The following WWOX variants were observed in gnomAD, a reference collection of about 807,000 sequenced individuals.
WWOX encodes the protein WW domain-containing oxidoreductase.
Under a neutral mutation model 46.2 loss-of-function variants are expected in WWOX, and 69 were observed. The ratio of observed to expected loss-of-function variants is 1.49; its 90% CI spans 1.23 to 1.82. The LOEUF (loss-of-function observed/expected upper bound fraction) is 1.82. WWOX is among the 40% of genes most tolerant of loss of function. WWOX has a pLI of 0.00. For synonymous variants in WWOX, 359 were observed against 202.6 expected (o/e 1.77, Z -6.56); for missense variants, 919 against 542.6 (o/e 1.69, Z -6.89).
chr16:79,025,282 A>G (rs933250964), intron 8 of WWOX, among the ~76,000 whole-genome samples: 8 of 152,178 alleles, frequency 5.3e-5, no homozygotes, highest in African/African-American at 1.9e-4. Context: ...GGCCTGAGTT[A>G]AGACAGTAGC....
At chr16:78,361,490 C>T (rs2081409073) in intron 5 of WWOX, among the ~76,000 whole-genome samples, 1 of 152,166 alleles carries the variant, frequency 6.6e-6, no homozygotes, top group African/African-American at 2.4e-5. Flanking sequence ...TGGATCTTGC[C>T]TGCAGCAGTG....
At chr16:78,175,431 C>G (rs2035309471) in intron 5 of WWOX, among the ~76,000 whole-genome samples, 2 of 152,206 alleles carry the variant, frequency 1.3e-5, no homozygotes, top group African/African-American at 4.8e-5. Flanking sequence ...GTGACTCACT[C>G]TCCATGAATA....
intron 8 of WWOX, among the ~76,000 whole-genome samples, chr16:78,738,373 A>G (rs1008140226): frequency 1.1e-4 from 17 of 152,180 alleles, no homozygotes; most frequent in African/African-American, 3.9e-4. Flanking sequence ...TTTATGTGTA[A>G]TGTGCCATTT....
At chr16:78,917,766 TAATA>T (rs773165055) in intron 8 of WWOX, among the ~76,000 whole-genome samples, 2 of 152,136 alleles carry the variant, frequency 1.3e-5, no homozygotes, top group Non-Finnish European at 2.9e-5. Flanking sequence ...TAAGGTCTAT[TAATA>T]AATATCTGCT....
intron 8 of WWOX, among the ~76,000 whole-genome samples, chr16:78,816,253 A>G (rs1422474981): frequency 6.6e-6 from 1 of 152,102 alleles, no homozygotes; most frequent in Non-Finnish European, 1.5e-5. Flanking sequence ...GAAAGAGGGC[A>G]CCCTTTTCTT....
intron 5 of WWOX, among the ~76,000 whole-genome samples, chr16:78,382,986 C>T (rs1034695763): frequency 1.3e-5 from 2 of 151,538 alleles, no homozygotes; most frequent in Non-Finnish European, 2.9e-5. Context: ...GAAGAGGAAG[C>T]AGGCAAATCT....
intron 5 of WWOX, among the ~76,000 whole-genome samples, chr16:78,249,864 G>A (rs1079192): frequency 0.3 from 45,795 of 151,684 alleles, 7,185 homozygotes; most frequent in East Asian, 0.4. Context: ...GGCCTGGAAG[G>A]GGAGAAGGGG....
chr16:79,160,630 T>G (rs2050467180), intron 8 of WWOX, among the ~76,000 whole-genome samples: 1 of 152,282 alleles, frequency 6.6e-6, no homozygotes, highest in Middle Eastern at 3.4e-3. Flanking sequence ...TGAAGAGGTA[T>G]GGGTCAAGCA....
chr16:78,357,569 G>A (rs1386809622), intron 5 of WWOX, among the ~76,000 whole-genome samples: 3 of 152,130 alleles, frequency 2.0e-5, no homozygotes, highest in Non-Finnish European at 2.9e-5. Context: ...AGAAAACGTG[G>A]TCTGGGACAC....
At chr16:78,996,361 G>A (rs1205459864) in intron 8 of WWOX, 11 of 931,684 alleles carry the variant, frequency 1.2e-5, no homozygotes, top group African/African-American at 1.2e-4. Context: ...AAGAGTGTGA[G>A]TGAATTCTGC....
At chr16:78,622,126 C>A (rs149981841) in intron 8 of WWOX, among the ~76,000 whole-genome samples, 1 of 152,118 alleles carries the variant, frequency 6.6e-6, no homozygotes, top group Admixed American at 6.6e-5. Context: ...TTTAGTAAAA[C>A]CTTGAAAAGA....
chr16:79,051,514 G>C (rs999022862), intron 8 of WWOX, among the ~76,000 whole-genome samples: 2 of 127,550 alleles, frequency 1.6e-5, no homozygotes, highest in Non-Finnish European at 3.1e-5. Flanking sequence ...CTACAACTCA[G>C]TCACATGACC....
chr16:78,770,529 C>A (rs1330346052), intron 8 of WWOX, among the ~76,000 whole-genome samples: 1 of 152,084 alleles, frequency 6.6e-6, no homozygotes, highest in African/African-American at 2.4e-5. Flanking sequence ...TCACTGAAGC[C>A]CCCATAAAGG....
chr16:78,779,744 A>T (rs1185680081), intron 8 of WWOX, among the ~76,000 whole-genome samples: 1 of 152,148 alleles, frequency 6.6e-6, no homozygotes, highest in East Asian at 1.9e-4. Context: ...TGTGAGAGAC[A>T]TTCTTGTCCT....
chr16:78,353,842 G>A (rs768452248), intron 5 of WWOX, among the ~76,000 whole-genome samples: 1 of 152,198 alleles, frequency 6.6e-6, no homozygotes, highest in African/African-American at 2.4e-5. Flanking sequence ...GGTGGCGTTC[G>A]CTTTACCCTT....
intron 5 of WWOX, among the ~76,000 whole-genome samples, chr16:78,362,675 T>C (rs1330769581): frequency 6.6e-6 from 1 of 152,130 alleles, no homozygotes. Flanking sequence ...GAGGCATTTA[T>C]TTCTTTTAGG....
intron 8 of WWOX, among the ~76,000 whole-genome samples, chr16:79,044,215 T>A (rs2048025316): frequency 6.6e-6 from 1 of 152,190 alleles, no homozygotes; most frequent in Admixed American, 6.5e-5. Flanking sequence ...CAACAAACGC[T>A]CTTCAGGGAG....
At position 79,121,943 on chromosome 16, in the gene WWOX, A is replaced by G. The variant is rs533849941; in HGVS notation, c.1057-89665A>G. Among the ~76,000 whole-genome samples the G allele has an allele frequency of 2.0e-5, 3 of 152,250 alleles. No individual in the cohort carries two copies. The South Asian group carries it at 6.2e-4, about 32-fold the overall frequency. ...CCAGCCCCAGTAACCCTAAGATTGA[A>G]CAAAACCCTACTTACGTGCTACGGA... On this transcript the variant is annotated intron_variant, in intron 8 of 8. Coordinates refer to ENST00000566780, the MANE Select transcript of WWOX (RefSeq NM_016373.4).
intron 4 of WWOX, among the ~76,000 whole-genome samples, chr16:78,158,287 C>T (rs1038382877): frequency 2.0e-5 from 3 of 152,118 alleles, no homozygotes; most frequent in African/African-American, 7.2e-5. Context: ...AATTTATGGC[C>T]ATTTGACATG....
Sources: allele counts gnomAD v4.1 joint callset (sites outside exome capture counted in the v4.1 genomes callset), GRCh38; gene constraint gnomAD v4.1.1; transcripts MANE v1.5; gene names NCBI Gene and HGNC (gene_info 2026-07-23, HGNC 2026-07-21).